The following SAMD4B variants were observed in gnomAD, a reference collection of about 807,000 sequenced individuals.
SAMD4B encodes the protein protein Smaug homolog 2.
SAMD4B carries 5 observed loss-of-function variants against 74.5 expected under a neutral mutation model. The ratio of observed to expected loss-of-function variants is 0.07; its 90% CI spans 0.04 to 0.14. SAMD4B has a LOEUF of 0.14. Ranked by LOEUF, SAMD4B falls within the 10% of genes least tolerant of loss-of-function variation. SAMD4B has a pLI of 1.00. For missense variants in SAMD4B, 608 were observed against 921.8 expected, an observed-to-expected ratio of 0.66 and a Z score of 4.41; for synonymous variants, 373 against 374.9, an observed-to-expected ratio of 1.00 and a Z score of 0.06.
chr19:39,349,531 GTACA>G (rs1489219681), intron 1 of SAMD4B, among the ~76,000 whole-genome samples: 1 of 152,160 alleles, frequency 6.6e-6, no homozygotes, highest in Non-Finnish European at 1.5e-5. Flanking sequence ...ATGCAGTGGT[GTACA>G]TGTTTTGTGT....
chr19:39,386,284 C>T (rs1359681819), downstream of SAMD4B: 3 of 1,614,190 alleles, frequency 1.9e-6, no homozygotes, highest in Non-Finnish European at 2.5e-6. This position sits in a 1 kb window ranked among gnomAD's most constrained non-coding sequence, Gnocchi z 6.1. Flanking sequence ...TCGTCCTCAC[C>T]ACTGCCACTC....
In SAMD4B at chr19:39,376,942, C is replaced by A. The variant is rs565475459; in HGVS notation, c.1104+151C>A. 3 of 634,380 alleles carry A rather than the reference C, an allele frequency of 4.7e-6. No homozygotes were observed. In the African/African-American group the frequency reaches 5.5e-5, roughly 12 times the overall value. 39.3% of individuals were successfully genotyped at this position (634,380 alleles called of 1,614,324 possible). A position where few individuals can be genotyped will look rare whatever the true frequency, so the allele number is the denominator to read the frequency against. On this transcript the variant is annotated intron_variant, in intron 7 of 13. Coordinates refer to ENST00000610417, the MANE Select transcript of SAMD4B (RefSeq NM_001384574.2). The stretch of plus-strand genomic sequence containing the variant: ...CAGACTTCAGGGACCACATGCAAGC[C>A]GGCATCAAAAGGCTCACTTGCTGGT...
intron 3 of SAMD4B, among the ~76,000 whole-genome samples, chr19:39,367,972 T>A (rs1178993370): frequency 6.6e-6 from 1 of 150,918 alleles, no homozygotes; most frequent in African/African-American, 2.4e-5. Context: ...CCCAGCACTT[T>A]GGGAGGCTGA....
Position 39,378,311 on chromosome 19 carries a change from T to C in SAMD4B, c.1445-193T>C, listed in dbSNP as rs958664688. On this transcript the variant is annotated intron_variant, in intron 8 of 13. Transcript: ENST00000610417. The surrounding 1 kb of genome is among the most constrained non-coding windows in gnomAD (Gnocchi z 4.4). ...AGGTTTCTAAGGCTAAAAATGTGTG[T>C]AGTGACAAGATTGTGTCAGGCACTA... Among the ~76,000 whole-genome samples, 1 of 152,168 alleles carries C rather than the reference T, an allele frequency of 6.6e-6. No homozygotes were observed. The highest frequency in any genetic ancestry group is 1.5e-5 in the Non-Finnish European group (1 of 68,022).
chr19:39,361,703 C>G (rs765406063), intron 3 of SAMD4B, among the ~76,000 whole-genome samples: 2 of 151,748 alleles, frequency 1.3e-5, no homozygotes, highest in African/African-American at 2.4e-5. Flanking sequence ...GTGGGCGGAT[C>G]ACGAGGTCAG....
rs1339126808 is a variant in SAMD4B at position 39,384,893 on chromosome 19, G to A, written c.*1366G>A. The A allele has an allele frequency of 6.6e-6, 1 of 151,758 alleles. No individual in the cohort carries two copies. The highest frequency in any genetic ancestry group is 1.5e-5 in the Non-Finnish European group (1 of 67,840). 9.4% of individuals were successfully genotyped at this position (151,758 alleles called of 1,614,324 possible). On this transcript the variant is annotated 3_prime_UTR_variant, in exon 14 of 14. Coordinates refer to ENST00000610417, the MANE Select transcript of SAMD4B (RefSeq NM_001384574.2). ...TATGTTATTAAAGATACAAAATGTT[G>A]GGAAAAAAACAAAAAAAACAAAAAA...
Position 39,385,342 on chromosome 19 carries a change from T to G in SAMD4B, c.*1815T>G. The G allele has an allele frequency of 2.5e-6, 1 of 397,696 alleles. No homozygotes were observed. The highest frequency in any genetic ancestry group is 4.4e-6 in the Non-Finnish European group (1 of 225,544). 24.6% of individuals were successfully genotyped at this position (397,696 alleles called of 1,614,324 possible). On this transcript the variant is annotated 3_prime_UTR_variant, in exon 14 of 14. Transcript: ENST00000610417. ...CCCCAGCCTGTCCTGTCTTGTTCAC[T>G]CTCCATCAGGGTGAGCTGACTGTGC...
At chr19:39,387,154 C>A, downstream of SAMD4B, 2 of 428,860 alleles carry the variant, frequency 4.7e-6, no homozygotes, top group Non-Finnish European at 4.5e-6. Context: ...TAGCCTACTA[C>A]ATACCTAGGC....
At chr19:39,376,394 TG>T in intron 5 of SAMD4B, 42 bp from the exon 6 acceptor site, 1 of 1,524,994 alleles carries the variant, frequency 6.6e-7, no homozygotes, top group Non-Finnish European at 9.0e-7. Flanking sequence ...CCTGGTAATC[TG>T]GGCCAAACTC....
At chr19:39,370,210 A>G (rs368399079) in intron 4 of SAMD4B, 85 bp downstream of exon 4, 19 of 1,318,242 alleles carry the variant, frequency 1.4e-5, no homozygotes, top group African/African-American at 1.2e-4. Flanking sequence ...GCTCTGTGGC[A>G]TTAGACAAGT....
chr19:39,369,981 T>G lies in SAMD4B; in HGVS notation c.523T>G (p.Trp175Gly), dbSNP rs761843745. The change falls in exon 4 of 14, where the codon TGG becomes GGG. Residue 175 changes from tryptophan to glycine, a missense_variant. Trp to Gly is a radical substitution (Grantham distance 184, BLOSUM62 -2). Around this residue, in one of 9 missense-constraint regions of SAMD4B, gnomAD observed 153 missense variants for 153.0 expected, o/e 1.00. Coordinates refer to ENST00000610417, the MANE Select transcript of SAMD4B (RefSeq NM_001384574.2). ...CCATTCACGTCAAGGCTCAGATGAG[T>G]GGGGGGGCCCTGCAGAGCTAGGCCC... is the stretch of plus-strand genomic sequence containing the variant. ...SYHSRQGSDE[W>G]GGPAELGPGE... 2.5e-6 allele frequency: 4 copies of G among 1,613,118 alleles called. No individual in the cohort carries two copies. The highest frequency in any genetic ancestry group is 3.4e-6 in the Non-Finnish European group (4 of 1,179,702).
chr19:39,378,632 G>T lies in SAMD4B; in HGVS notation c.1530+43G>T. On this transcript the variant is annotated intron_variant, in intron 9 of 13. Transcript: ENST00000610417. This position sits in a 1 kb window ranked among gnomAD's most constrained non-coding sequence, Gnocchi z 4.4. Reference sequence around the variant, plus strand: ...ATACTCAAAAAGGGAAAGGCGGCCAGGCGTGGTGGTTCACGCCTGTAGTCC... The same window carrying T: ...ATACTCAAAAAGGGAAAGGCGGCCATGCGTGGTGGTTCACGCCTGTAGTCC... 1 of 1,578,758 alleles carries T rather than the reference G, an allele frequency of 6.3e-7. No individual in the cohort carries two copies. The highest frequency in any genetic ancestry group is 1.1e-5 in the South Asian group (1 of 90,138).
At chr19:39,357,705 G>A (rs1338431997) in intron 3 of SAMD4B, among the ~76,000 whole-genome samples, 1 of 152,158 alleles carries the variant, frequency 6.6e-6, no homozygotes, top group Non-Finnish European at 1.5e-5. Flanking sequence ...GCTAGAATCA[G>A]GGGCTACTGC....
chr19:39,343,197 C>T (rs1437029140), intron 1 of SAMD4B, among the ~76,000 whole-genome samples: 2 of 151,924 alleles, frequency 1.3e-5, no homozygotes, highest in South Asian at 2.1e-4. Flanking sequence ...GGAGCCCTGC[C>T]TCTCACAGCC....
chr19:39,386,395 GCTC>G, downstream of SAMD4B: 1 of 1,613,990 alleles, frequency 6.2e-7, no homozygotes, highest in Non-Finnish European at 8.5e-7. This position sits in a 1 kb window ranked among gnomAD's most constrained non-coding sequence, Gnocchi z 6.1. Flanking sequence ...CCCTTCTCCT[GCTC>G]CTCATCTGGA....
Position 39,356,842 on chromosome 19 carries a change from G to A in SAMD4B, c.-52G>A. 6.7e-7 allele frequency: 1 copy of A among 1,499,780 alleles called. No homozygotes were observed. The highest frequency in any genetic ancestry group is 1.9e-5 in the Admixed American group (1 of 51,720). 92.9% of individuals were successfully genotyped at this position (1,499,780 alleles called of 1,614,324 possible). A position where few individuals can be genotyped will look rare whatever the true frequency, so the allele number is the denominator to read the frequency against. ...AGGCCAGAGCCGGGACCATGTGACG[G>A]CGCTGGCCCTCGCCACCGCCGTCCC... On this transcript the variant is annotated 5_prime_UTR_variant, in exon 3 of 14. Coordinates refer to ENST00000610417, the MANE Select transcript of SAMD4B (RefSeq NM_001384574.2).
intron 9 of SAMD4B, among the ~76,000 whole-genome samples, chr19:39,379,439 C>G (rs1009027716): frequency 6.6e-6 from 1 of 152,222 alleles, no homozygotes; most frequent in Admixed American, 6.5e-5. Flanking sequence ...CTGTTCTTCT[C>G]CCTCAGGGAG....
chr19:39,372,038 T>G lies in SAMD4B; in HGVS notation c.667+1913T>G, dbSNP rs76330567. Among the ~76,000 whole-genome samples, 420 of 152,202 alleles carry G rather than the reference T, an allele frequency of 2.8e-3. 1 individual carries two copies. Among genetic ancestry groups the G allele is most frequent in the African/African-American group, 9.6e-3 (398 of 41,508 alleles). ...TCACCCAGGCAGGGTGCCTATAAAT[T>G]TCTTTGTCTTCATACCTTTTGTGCT... On this transcript the variant is annotated intron_variant, in intron 4 of 13. Transcript: ENST00000610417.
Position 39,380,635 on chromosome 19 carries a change from G to A in SAMD4B, c.1698G>A (p.Met566Ile), listed in dbSNP as rs2077910912. Reference protein sequence around the residue: ...NSLPIAGSVGMGVARRTQRQF... With the variant: ...NSLPIAGSVGIGVARRTQRQF... ...TCCCCATAGCTGGCTCTGTGGGGAT[G>A]GGAGTGGCCCGGCGTACCCAGCGGC... Residue 566 changes from methionine to isoleucine, a missense_variant, in exon 11 of 14, where the codon ATG becomes ATA. Met to Ile is a conservative substitution (Grantham distance 10). Around this residue, in one of 9 missense-constraint regions of SAMD4B, gnomAD observed 167 missense variants for 193.0 expected, o/e 0.87. Transcript: ENST00000610417. The A allele has an allele frequency of 6.2e-7, 1 of 1,614,038 alleles. No individual in the cohort carries two copies. Among genetic ancestry groups the A allele is most frequent in the Non-Finnish European group, 8.5e-7 (1 of 1,180,020 alleles).
Sources: allele counts gnomAD v4.1 joint callset (sites outside exome capture counted in the v4.1 genomes callset), GRCh38; gene constraint gnomAD v4.1.1; regional missense constraint gnomAD v4.1.1; non-coding constraint Gnocchi (gnomAD v3.1); transcripts MANE v1.5; gene names NCBI Gene and HGNC (gene_info 2026-07-23, HGNC 2026-07-21).